PNPLA5: variants seen among roughly 807,000 people sequenced by gnomAD.
PNPLA5 encodes patatin like domain 5, triacylglycerol lipase.
A neutral mutation model predicts 49.1 loss-of-function variants in PNPLA5; 44 were observed. The observed-to-expected ratio is 0.90, with a 90% CI of 0.70 to 1.15. PNPLA5 has a LOEUF of 1.15. Among genes scored for constraint, PNPLA5 ranks in the 50% most tolerant of loss-of-function variants. PNPLA5 has a pLI of 0.00. For synonymous variants in PNPLA5, 243 were observed against 244.4 expected (o/e 0.99, Z 0.06); for missense variants, 603 against 564.0 (o/e 1.07, Z -0.70).
At position 43,889,237 on chromosome 22, in the gene PNPLA5, G is replaced by T; in HGVS notation, c.702+92C>A. ...TGTGTTGTAACTGCCTTCAGGCTCG[G>T]GGGGCAGTGGGGGTTAGGAGCACAC... On this transcript the variant is annotated intron_variant, in intron 4 of 8. Coordinates refer to ENST00000216177, the MANE Select transcript of PNPLA5 (RefSeq NM_138814.4). 5 of 1,419,004 alleles carry T rather than the reference G, an allele frequency of 3.5e-6. No individual in the cohort carries two copies. The South Asian group carries it at 6.3e-5, about 18-fold the overall frequency. 87.9% of individuals were successfully genotyped at this position (1,419,004 alleles called of 1,614,324 possible).
chr22:43,891,451 C>T (rs1259368755), intron 1 of PNPLA5, 157 bp from the exon 2 acceptor site: 2 of 970,810 alleles, frequency 2.1e-6, no homozygotes, highest in Admixed American at 6.2e-5. Context: ...ATCCGTTCAC[C>T]TTTTCACTTT....
chr22:43,887,697 A>C (rs773826521), intron 4 of PNPLA5, 46 bp from the exon 5 acceptor site: 5 of 1,569,580 alleles, frequency 3.2e-6, no homozygotes, highest in East Asian at 4.7e-5. Context: ...GCCTGGACCT[A>C]CCCCTCGAGT....
chr22:43,884,222 C>A lies in PNPLA5; in HGVS notation c.1073G>T (p.Arg358Leu), dbSNP rs769908286. The A allele has an allele frequency of 1.0e-5, 16 of 1,552,190 alleles. No individual in the cohort carries two copies. The highest frequency in any genetic ancestry group is 7.5e-5 in the East Asian group (3 of 40,096). The change falls in exon 7 of 9, where the codon CGC becomes CTC. Residue 358 changes from arginine (R) to leucine (L), a missense_variant. Transcript: ENST00000216177. ...CCTGGCCGAGCCTTACCTTCTGCTG[C>A]GGAAGTAGATGTACTCGAAGGGCAG... ...CTLPFEYIYFRSRRLVVWLPD... is the reference protein window; with the variant it reads ...CTLPFEYIYFLSRRLVVWLPD...
rs762329593 is a variant in PNPLA5 at position 43,889,871 on chromosome 22, A to G, written c.427-7T>C. The G allele has an allele frequency of 6.2e-7, 1 of 1,613,536 alleles. No homozygotes were observed. The highest frequency in any genetic ancestry group is 1.1e-5 in the South Asian group (1 of 90,936). Reference sequence around the variant, plus strand: ...ATAAGGTGCAGACCAAGGCCTAGGAAGAGAAGAGTCAGCAGGAACACAACT... The same window carrying G: ...ATAAGGTGCAGACCAAGGCCTAGGAGGAGAAGAGTCAGCAGGAACACAACT... On this transcript the variant is annotated splice_region_variant and splice_polypyrimidine_tract_variant and intron_variant, in intron 2 of 8. Coordinates refer to ENST00000216177, the MANE Select transcript of PNPLA5 (RefSeq NM_138814.4).
intron 7 of PNPLA5, among the ~76,000 whole-genome samples, chr22:43,883,741 G>A (rs1444615233): frequency 2.6e-5 from 4 of 152,008 alleles, no homozygotes; most frequent in Non-Finnish European, 4.4e-5. Flanking sequence ...AACCTGGGAG[G>A]CAGAGGTTGC....
Position 43,891,150 on chromosome 22 carries a change from G to A in PNPLA5, c.338C>T (p.Ser113Phe), listed in dbSNP as rs546765786. ...ALPPDAHVLA[S>F]QRLGISLTRW... ...GGTCAGCGAAATGCCCAGCCGCTGG[G>A]AGGCCAGGACGTGGGCGTCGGGGGG... Residue 113 changes from serine to phenylalanine, a missense_variant, in exon 2 of 9, where the codon TCC becomes TTC. Transcript: ENST00000216177. 1.2e-5 allele frequency: 19 copies of A among 1,604,742 alleles called. No homozygotes were observed. The South Asian group carries it at 2.0e-4, about 17-fold the overall frequency.
chr22:43,882,216 C>T (rs1035288292), intron 7 of PNPLA5, among the ~76,000 whole-genome samples: 1 of 152,240 alleles, frequency 6.6e-6, no homozygotes, highest in African/African-American at 2.4e-5. Context: ...ACAGAGCCCC[C>T]TCTTGCTCAA....
rs1289302688 is a variant in PNPLA5, at chr22:43,885,123, C to T, written c.950-778G>A. On this transcript the variant is annotated intron_variant, in intron 6 of 8. Transcript: ENST00000216177. ...GATTCACAATTCCCTTCCCAAATGG[C>T]GAGGGCGCAGCGCCCAGGAGTTGGT... is the stretch of plus-strand genomic sequence containing the variant. Among the ~76,000 whole-genome samples the T allele has an allele frequency of 6.6e-5, 10 of 152,362 alleles. 1 individual carries two copies. Among genetic ancestry groups the T allele is most frequent in the Admixed American group, 2.6e-4 (4 of 15,312 alleles).
At position 43,889,827 on chromosome 22, in the gene PNPLA5, C is replaced by T; in HGVS notation, c.464G>A (p.Gly155Glu). ...CCCTCTGAACTCGGGGGGGATCAGC[C>T]CGCAGTAGAAAGGAAAGTATAAGGT... ...VCTLYFPFYC[G>E]LIPPEFRGER... Residue 155 changes from glycine to glutamate, a missense_variant, in exon 3 of 9, where the codon GGG (glycine) becomes GAG (glutamate). Coordinates refer to ENST00000216177, the MANE Select transcript of PNPLA5 (RefSeq NM_138814.4). 6.2e-7 allele frequency: 1 copy of T among 1,613,450 alleles called. No homozygotes were observed. The highest frequency in any genetic ancestry group is 8.5e-7 in the Non-Finnish European group (1 of 1,179,810).
intron 2 of PNPLA5, 32 bp from the exon 3 acceptor site, chr22:43,889,896 T>G: frequency 6.2e-7 from 1 of 1,610,038 alleles, no homozygotes; most frequent in African/African-American, 1.3e-5. Context: ...GGAACACAAC[T>G]GTGCATGCTT....
Position 43,884,328 on chromosome 22 carries a change from T to A in PNPLA5, c.967A>T (p.Thr323Ser), listed in dbSNP as rs2049640438. ...CGGGCCCACCGGCTGGGATCCCTCG[T>A]ACATGCTTTCTTCAGTGCTGCAAGA... ...ELEAALKKAC[T>S]RDPSRWARFW... The change falls in exon 7 of 9, where the codon ACG becomes TCG. Residue 323 changes from threonine to serine, a missense_variant. Coordinates refer to ENST00000216177, the MANE Select transcript of PNPLA5 (RefSeq NM_138814.4). 2 of 1,587,142 alleles carry A rather than the reference T, an allele frequency of 1.3e-6. No individual in the cohort carries two copies. The highest frequency in any genetic ancestry group is 2.3e-5 in the South Asian group (2 of 87,470).
chr22:43,891,741 C>T lies in PNPLA5; in HGVS notation c.140G>A (p.Gly47Asp). The part of the protein sequence containing the change: ...RLLQGARRIY[G>D]SSSGALNAVS... ...TGCGTTGAGCGCCCCAGACGAGGAA[C>T]CGTAGATGCGGCGGGCGCCCTGGAG... is the stretch of plus-strand genomic sequence containing the variant. Residue 47 changes from glycine to aspartate, a missense_variant, in exon 1 of 9, where the codon GGT (glycine) becomes GAT (aspartate). By Grantham distance (94) the Gly-to-Asp change is moderately conservative. Transcript: ENST00000216177. 4 of 1,545,936 alleles carry T rather than the reference C, an allele frequency of 2.6e-6. No homozygotes were observed. The highest frequency in any genetic ancestry group is 3.5e-6 in the Non-Finnish European group (4 of 1,145,340).
At chr22:43,886,070 G>A (rs1490762938) in intron 6 of PNPLA5, among the ~76,000 whole-genome samples, 1 of 152,206 alleles carries the variant, frequency 6.6e-6, no homozygotes, top group Non-Finnish European at 1.5e-5. Flanking sequence ...TCTGAGGTTT[G>A]GTTTCCTCAT....
chr22:43,881,425 G>T, intron 8 of PNPLA5, 133 bp downstream of exon 8: 1 of 906,248 alleles, frequency 1.1e-6, no homozygotes, highest in Non-Finnish European at 1.7e-6. Flanking sequence ...TGCATGAGTA[G>T]GCCAGAGGGA....
chr22:43,888,371 A>AGTGTGTGTGTGTGTGTGT (rs35343347), intron 4 of PNPLA5, among the ~76,000 whole-genome samples: 6 of 112,968 alleles, frequency 5.3e-5, no homozygotes, highest in African/African-American at 2.2e-4. Context: ...GGGGCAGAGG[A>AGTGTGTGTGTGTGTGTGT]GTGTGTGTGT....
At chr22:43,884,845 G>T (rs1233574036) in intron 6 of PNPLA5, among the ~76,000 whole-genome samples, 1 of 152,212 alleles carries the variant, frequency 6.6e-6, no homozygotes, top group Non-Finnish European at 1.5e-5. Flanking sequence ...CAGCATCTGG[G>T]CTGGGACAGA....
rs756531673 is a variant in PNPLA5, at chr22:43,881,656, G to A, written c.1101C>T (p.Pro367=). Residue 367 remains proline, a synonymous_variant, in exon 8 of 9, where the codon CCC becomes CCT. Transcript: ENST00000216177. ...FRSRRLVVWL[P]DVPADLWWMQ... ...TCCACCACAAGTCCGCCGGCACATC[G>A]GGCAGCCACACCACCAACCTGGAGG... The A allele has an allele frequency of 1.1e-5, 17 of 1,613,554 alleles. No individual in the cohort carries two copies. Among genetic ancestry groups the A allele is most frequent in the Admixed American group, 6.7e-5 (4 of 59,966 alleles).
Position 43,887,776 on chromosome 22 carries a change from AC to A in PNPLA5, c.703-126del, listed in dbSNP as rs1256383300. The A allele has an allele frequency of 1.1e-5, 16 of 1,516,846 alleles. No homozygotes were observed. The South Asian group carries it at 1.4e-4, about 13-fold the overall frequency. The allele number at this position is 1,516,846 out of a possible 1,614,324, so 94.0% of individuals were successfully genotyped here. ...CAGCCCAGCCTATTCTCCCCAAGTG[AC>A]CATTCAACAGGGCTCAGGGCAGGAG... On this transcript the variant is annotated intron_variant, in intron 4 of 8. Transcript: ENST00000216177.
rs2049699173 is a variant in PNPLA5, at chr22:43,889,405, A to T, written c.626T>A (p.Val209Asp). ...GGAGATTTGGAAGCTGAAGTTGAAG[A>T]CGTTCAGCTCATGCAGGTTGGGGGA... ...STSPNLHELN[V>D]FNFSFQISTE... Residue 209 changes from valine to aspartate, a missense_variant, in exon 4 of 9, where the codon GTC becomes GAC. Physicochemically the swap from Val to Asp is radical, Grantham distance 152. Coordinates refer to ENST00000216177, the MANE Select transcript of PNPLA5 (RefSeq NM_138814.4). The T allele has an allele frequency of 2.5e-6, 4 of 1,613,910 alleles. No individual in the cohort carries two copies. The highest frequency in any genetic ancestry group is 3.4e-6 in the Non-Finnish European group (4 of 1,179,954).
Sources: allele counts gnomAD v4.1 joint callset (sites outside exome capture counted in the v4.1 genomes callset), GRCh38; gene constraint gnomAD v4.1.1; transcripts MANE v1.5; gene names NCBI Gene and HGNC (gene_info 2026-07-23, HGNC 2026-07-21).